Variants in DGKB observed in about 807,000 individuals in gnomAD.
The protein encoded by DGKB is diacylglycerol kinase beta, also known as 90 kDa diacylglycerol kinase.
DGKB carries 67 observed loss-of-function variants against 114.3 expected under a neutral mutation model. That is an observed-to-expected ratio of 0.59 (90% CI 0.48 to 0.72). The LOEUF (loss-of-function observed/expected upper bound fraction) is 0.72. Among genes scored for constraint, DGKB ranks in the 30% least tolerant of loss-of-function variants. The pLI is 0.00. For missense variants in DGKB, 907 were observed against 975.2 expected, an observed-to-expected ratio of 0.93 and a Z score of 0.93; for synonymous variants, 398 against 323.1, an observed-to-expected ratio of 1.23 and a Z score of -2.49.
At chr7:14,233,655 A>G (rs73679697) in intron 23 of DGKB, among the ~76,000 whole-genome samples, 4,236 of 152,140 alleles carry the variant, frequency 0.028, 160 homozygotes, top group African/African-American at 0.084. Flanking sequence ...TCATCTGAGA[A>G]TATGAAGTAT....
At chr7:14,813,622 C>T (rs1396670192) in intron 2 of DGKB, among the ~76,000 whole-genome samples, 1 of 152,270 alleles carries the variant, frequency 6.6e-6, no homozygotes, top group African/African-American at 2.4e-5. Context: ...CAAAATTAAA[C>T]TGTATGCCAT....
chr7:14,638,402 C>G (rs149284970), intron 13 of DGKB, among the ~76,000 whole-genome samples: 16 of 152,116 alleles, frequency 1.1e-4, no homozygotes, highest in Non-Finnish European at 2.1e-4. Context: ...TTTTTAAAAC[C>G]AAGCCTCCTT....
intron 23 of DGKB, among the ~76,000 whole-genome samples, chr7:14,287,980 G>A (rs1460785320): frequency 6.6e-6 from 1 of 152,078 alleles, no homozygotes; most frequent in Non-Finnish European, 1.5e-5. Flanking sequence ...ATATAATGGA[G>A]AGGAATGACA....
chr7:14,326,430 T>A (rs1163045998), intron 23 of DGKB, among the ~76,000 whole-genome samples: 1 of 152,118 alleles, frequency 6.6e-6, no homozygotes, highest in Non-Finnish European at 1.5e-5. Context: ...TTCTGGTGCA[T>A]GAGTCAGGTG....
At position 14,607,468 on chromosome 7, in the gene DGKB, C is replaced by A; in HGVS notation, c.1399G>T (p.Val467Phe). The change falls in exon 17 of 26, where the codon GTT becomes TTT. Residue 467 changes from valine (V) to phenylalanine (F), a missense_variant. Val to Phe is a conservative substitution (Grantham distance 50). Coordinates refer to ENST00000402815, the MANE Select transcript of DGKB (RefSeq NM_001350709.2). Reference sequence around the variant, plus strand: ...GGTCCATTTCCAGAAAGACTGTAAACCTGACGAGGATTTAATAGATACTGG... The same window carrying A: ...GGTCCATTTCCAGAAAGACTGTAAAACTGACGAGGATTTAATAGATACTGG... ...KFQYLLNPRQ[V>F]YSLSGNGPMP... 6.3e-7 allele frequency: 1 copy of A among 1,590,920 alleles called. No homozygotes were observed. The highest frequency in any genetic ancestry group is 8.6e-7 in the Non-Finnish European group (1 of 1,160,904).
intron 21 of DGKB, among the ~76,000 whole-genome samples, chr7:14,351,813 G>C (rs1052087639): frequency 9.2e-5 from 14 of 152,002 alleles, no homozygotes; most frequent in African/African-American, 2.9e-4. Flanking sequence ...TGGTGGAAGT[G>C]ACCCGAAATT....
intron 23 of DGKB, among the ~76,000 whole-genome samples, chr7:14,313,680 T>A (rs1263316301): frequency 2.0e-5 from 3 of 152,062 alleles, no homozygotes; most frequent in Non-Finnish European, 4.4e-5. Flanking sequence ...GAGATCAAAC[T>A]GCAAGGCGGC....
chr7:14,843,766 C>T (rs1848274490), intron 1 of DGKB, among the ~76,000 whole-genome samples: 2 of 152,170 alleles, frequency 1.3e-5, no homozygotes, highest in Admixed American at 6.5e-5. Context: ...TGCTGTCTGC[C>T]AGAAAGCTTT....
chr7:14,876,374 C>G (rs217567), intron 1 of DGKB, among the ~76,000 whole-genome samples: 1 of 152,222 alleles, frequency 6.6e-6, no homozygotes, highest in African/African-American at 2.4e-5. Flanking sequence ...GGCACAGAGC[C>G]GTAACAAGGC....
chr7:14,911,596 G>T (rs1198099154), intron 1 of DGKB, among the ~76,000 whole-genome samples: 1 of 152,088 alleles, frequency 6.6e-6, no homozygotes, highest in Non-Finnish European at 1.5e-5. Context: ...TTCAGGAACT[G>T]TTGATAAATC....
At chr7:14,203,686 A>G (rs1228389984) in intron 23 of DGKB, among the ~76,000 whole-genome samples, 2 of 151,986 alleles carry the variant, frequency 1.3e-5, no homozygotes, top group African/African-American at 2.4e-5. Flanking sequence ...ATCCTGCACA[A>G]TTATAATGTA....
chr7:14,641,939 G>A (rs1482022167), intron 13 of DGKB, among the ~76,000 whole-genome samples: 2 of 151,936 alleles, frequency 1.3e-5, no homozygotes, highest in African/African-American at 4.8e-5. Context: ...AGTGACGTAG[G>A]TTCTTTTTCA....
intron 20 of DGKB, among the ~76,000 whole-genome samples, chr7:14,532,965 G>C (rs1791842977): frequency 6.6e-6 from 1 of 151,584 alleles, no homozygotes; most frequent in Non-Finnish European, 1.5e-5. Flanking sequence ...AGAATAAAAG[G>C]ATCACAAAGA....
chr7:14,697,234 A>T (rs1328543201), intron 8 of DGKB, among the ~76,000 whole-genome samples: 3 of 152,216 alleles, frequency 2.0e-5, no homozygotes, highest in Non-Finnish European at 4.4e-5. Context: ...CAATTTAATT[A>T]AAAATTCCTG....
Position 14,149,042 on chromosome 7 carries a change from G to C in DGKB, c.*89C>G. ...CACTTCCATGATTTTGCATGAGCAG[G>C]AGACTTGAAATGGTTCAAAGATTTC... On this transcript the variant is annotated 3_prime_UTR_variant, in exon 26 of 26. Transcript: ENST00000402815. The C allele has an allele frequency of 3.5e-6, 4 of 1,137,058 alleles. No individual in the cohort carries two copies. Among genetic ancestry groups the C allele is most frequent in the Non-Finnish European group, 5.3e-6 (4 of 751,718 alleles). The allele number at this position is 1,137,058 out of a possible 1,614,324, so 70.4% of individuals were successfully genotyped here. A position where few individuals can be genotyped will look rare whatever the true frequency, so the allele number is the denominator to read the frequency against.
intron 20 of DGKB, among the ~76,000 whole-genome samples, chr7:14,570,039 A>G (rs1381667334): frequency 2.6e-5 from 4 of 151,308 alleles, no homozygotes; most frequent in African/African-American, 9.7e-5. Flanking sequence ...CAAATTTGCT[A>G]TAATCTCATA....
chr7:14,553,949 T>G (rs1288792655), intron 20 of DGKB, among the ~76,000 whole-genome samples: 2 of 136,624 alleles, frequency 1.5e-5, no homozygotes, highest in African/African-American at 5.4e-5. Context: ...CTCGGCTCAC[T>G]GCAAGCTCCG....
At chr7:14,604,480 A>C (rs1006379876) in intron 17 of DGKB, among the ~76,000 whole-genome samples, 5 of 152,190 alleles carry the variant, frequency 3.3e-5, no homozygotes, top group African/African-American at 1.2e-4. Context: ...ATTTGGAAGA[A>C]TGCATAACCA....
At chr7:14,938,103 T>C (rs1053084434) in intron 1 of DGKB, among the ~76,000 whole-genome samples, 3 of 152,182 alleles carry the variant, frequency 2.0e-5, no homozygotes, top group African/African-American at 7.2e-5. Flanking sequence ...AATATGTGCA[T>C]ACAAATACAC....
Sources: gnomAD v4.1 joint callset for allele counts (sites outside exome capture counted in the v4.1 genomes callset) on GRCh38, gnomAD v4.1.1 for gene constraint, MANE v1.5 for transcripts, NCBI Gene and HGNC (gene_info 2026-07-23, HGNC 2026-07-21) for gene names.